The following APOB variants were observed in gnomAD, a reference collection of about 807,000 sequenced individuals.
The protein encoded by APOB is apolipoprotein B.
APOB carries 153 observed loss-of-function variants against 314.1 expected under a neutral mutation model. The ratio of observed to expected loss-of-function variants is 0.49; its 90% CI spans 0.43 to 0.56. APOB has a LOEUF of 0.56. APOB is among the 20% of genes least tolerant of loss of function. APOB has a pLI of 0.00. For synonymous variants in APOB, 2,087 were observed against 2,036.4 expected, an observed-to-expected ratio of 1.02 and a Z score of -0.67; for missense variants, 5,430 against 5,350.7, an observed-to-expected ratio of 1.01 and a Z score of -0.46.
Position 21,025,130 on chromosome 2 carries a change from A to C in APOB, c.2245-6T>G. The stretch of plus-strand genomic sequence containing the variant: ...ATTATTCCATTTACCATATCCTGAG[A>C]GTTTAGTAATAAAATGGCCAGTGAG... On this transcript the variant is annotated splice_polypyrimidine_tract_variant and splice_region_variant and intron_variant, in intron 15 of 28. Coordinates refer to ENST00000233242, the MANE Select transcript of APOB (RefSeq NM_000384.3). 1 of 1,613,512 alleles carries C rather than the reference A, an allele frequency of 6.2e-7. No homozygotes were observed. The highest frequency in any genetic ancestry group is 1.3e-5 in the African/African-American group (1 of 75,046).
At chr2:21,028,154 C>G in intron 13 of APOB, 89 bp from the exon 14 acceptor site, 1 of 1,187,940 alleles carries the variant, frequency 8.4e-7, no homozygotes, top group Non-Finnish European at 1.3e-6. Context: ...TTTCCAATCA[C>G]TACCAAAATG....
chr2:21,007,987 T>G lies in APOB; in HGVS notation c.8881A>C (p.Asn2961His). Residue 2961 changes from asparagine (N) to histidine (H), a missense_variant, in exon 26 of 29, where the codon AAT becomes CAT. By Grantham distance (68) the Asn-to-His change is moderately conservative (BLOSUM62 1). Around this residue, in one of 3 missense-constraint regions of APOB, gnomAD observed 3,281 missense variants for 3,171.0 expected, o/e 1.03. Transcript: ENST00000233242. The stretch of plus-strand genomic sequence containing the variant: ...CTTAGGTGTTTGCTATTGATCTTAT[T>G]GGACAGTCCAAAGGAAGTGAGGGGT... Reference protein sequence around the residue: ...EGPLTSFGLSNKINSKHLRVN... With the variant: ...EGPLTSFGLSHKINSKHLRVN... 1 of 1,614,108 alleles carries G rather than the reference T, an allele frequency of 6.2e-7. No individual in the cohort carries two copies.
chr2:21,001,885 A>G lies in APOB; in HGVS notation c.13537T>C (p.Phe4513Leu). The G allele has an allele frequency of 1.2e-6, 2 of 1,614,010 alleles. No individual in the cohort carries two copies. The highest frequency in any genetic ancestry group is 1.7e-6 in the Non-Finnish European group (2 of 1,179,980). ...ATCAATCTTTTGGATTCAGCAATAA[A>G]TTTTTCATAGTAATCAGAGAGTTGG... is the stretch of plus-strand genomic sequence containing the variant. Reference protein sequence around the residue: ...SDQLSDYYEKFIAESKRLIDL... With the variant: ...SDQLSDYYEKLIAESKRLIDL... Residue 4513 changes from phenylalanine (F) to leucine (L), a missense_variant, in exon 29 of 29, where the codon TTT becomes CTT. Around this residue, in one of 3 missense-constraint regions of APOB, gnomAD observed 3,281 missense variants for 3,171.0 expected, o/e 1.03. Transcript: ENST00000233242.
intron 18 of APOB, among the ~76,000 whole-genome samples, chr2:21,021,549 G>T (rs555166293): frequency 6.6e-6 from 1 of 152,064 alleles, no homozygotes; most frequent in African/African-American, 2.4e-5. Context: ...GATGGCTTTC[G>T]CAGCTGGGCA....
At position 21,032,405 on chromosome 2, in the gene APOB, C is replaced by T. The variant is rs761954691; in HGVS notation, c.1301G>A (p.Arg434Lys). The T allele has an allele frequency of 2.5e-6, 4 of 1,613,906 alleles. No individual in the cohort carries two copies. The highest frequency in any genetic ancestry group is 4.5e-5 in the East Asian group (2 of 44,892). The change falls in exon 10 of 29, where the codon AGG becomes AAG. Residue 434 changes from arginine (R) to lysine (K), a missense_variant. By Grantham distance (26) the Arg-to-Lys change is conservative. This residue lies in a region of APOB where 2,085 missense variants were observed against 2,079.7 expected (regional missense o/e 1.00). Coordinates refer to ENST00000233242, the MANE Select transcript of APOB (RefSeq NM_000384.3). ...QQLREIFNMA[R>K]DQRSRATLYA... Reference sequence around the variant, plus strand: ...CAAGGTGGCTCGGCTGCGCTGATCCCTCGCCATGTTGAAGATCTCTCGCAG... The same window carrying T: ...CAAGGTGGCTCGGCTGCGCTGATCCTTCGCCATGTTGAAGATCTCTCGCAG...
At chr2:21,012,724 T>C (rs1361370263) in intron 25 of APOB, 73 bp from the exon 26 acceptor site, 1 of 1,530,274 alleles carries the variant, frequency 6.5e-7, no homozygotes, top group East Asian at 2.2e-5. Context: ...GTTGAAAGTC[T>C]TTCAATAATA....
chr2:21,036,533 C>A (rs771390190), intron 6 of APOB, among the ~76,000 whole-genome samples: 14 of 152,008 alleles, frequency 9.2e-5, no homozygotes, highest in Non-Finnish European at 1.6e-4. Context: ...GCTCCATGGC[C>A]CCAGTTAACA....
chr2:21,043,720 G>A, intron 1 of APOB, 144 bp downstream of exon 1: 1 of 1,508,062 alleles, frequency 6.6e-7, no homozygotes, highest in Non-Finnish European at 8.9e-7. Context: ...AGCCTGCAGG[G>A]GCCGCCAGCT....
intron 12 of APOB, among the ~76,000 whole-genome samples, chr2:21,029,341 C>T (rs1480175654): frequency 1.3e-5 from 2 of 152,154 alleles, no homozygotes; most frequent in Non-Finnish European, 2.9e-5. Context: ...ATCCCAGTTA[C>T]TCAGGAGGCT....
chr2:21,012,140 C>G lies in APOB; in HGVS notation c.4728G>C (p.Gly1576=). The change falls in exon 26 of 29, where the codon GGG becomes GGC. Residue 1576 remains glycine (G), a synonymous_variant. Coordinates refer to ENST00000233242, the MANE Select transcript of APOB (RefSeq NM_000384.3). Reference sequence around the variant, plus strand: ...TAGAAGTGGCAAAGTTCTTATACTTCCCATTGGTGTCAGATTTTAAAGTCA... The same window carrying G: ...TAGAAGTGGCAAAGTTCTTATACTTGCCATTGGTGTCAGATTTTAAAGTCA... The part of the protein sequence containing the change: ...YELTLKSDTN[G]KYKNFATSNK... The G allele has an allele frequency of 6.2e-7, 1 of 1,602,654 alleles. No individual in the cohort carries two copies. The highest frequency in any genetic ancestry group is 8.5e-7 in the Non-Finnish European group (1 of 1,173,816).
rs1440285245 is a variant in APOB, at chr2:21,003,032, G to T, written c.12390C>A (p.Phe4130Leu). The change falls in exon 29 of 29, where the codon TTC becomes TTA. Residue 4130 changes from phenylalanine (F) to leucine (L), a missense_variant. Physicochemically the swap from Phe to Leu is conservative, Grantham distance 22. Coordinates refer to ENST00000233242, the MANE Select transcript of APOB (RefSeq NM_000384.3). Reference sequence around the variant, plus strand: ...CAGTGGTGCCACTGGCTGCTTTCTGGAACCTCACGTCGATATCATCAATTT... The same window carrying T: ...CAGTGGTGCCACTGGCTGCTTTCTGTAACCTCACGTCGATATCATCAATTT... ...IRQIDDIDVR[F>L]QKAASGTTGT... 1.3e-6 allele frequency: 2 copies of T among 1,567,578 alleles called. No homozygotes were observed. The highest frequency in any genetic ancestry group is 1.7e-6 in the Non-Finnish European group (2 of 1,157,060).
At position 21,007,946 on chromosome 2, in the gene APOB, C is replaced by A; in HGVS notation, c.8922G>T (p.Leu2974Phe). Reference sequence around the variant, plus strand: ...AGTTGAGGGAGCCAGATTCATAAACCAAGTTTTGGTTTACTCTTAGGTGTT... The same window carrying A: ...AGTTGAGGGAGCCAGATTCATAAACAAAGTTTTGGTTTACTCTTAGGTGTT... Reference protein sequence around the residue: ...NSKHLRVNQNLVYESGSLNFS... With the variant: ...NSKHLRVNQNFVYESGSLNFS... Residue 2974 changes from leucine to phenylalanine, a missense_variant, in exon 26 of 29, where the codon TTG (leucine) becomes TTT (phenylalanine). Physicochemically the swap from Leu to Phe is conservative, Grantham distance 22. This residue lies in a region of APOB where 3,281 missense variants were observed against 3,171.0 expected (regional missense o/e 1.03). Transcript: ENST00000233242. The A allele has an allele frequency of 5.6e-6, 9 of 1,613,980 alleles. No individual in the cohort carries two copies. Among genetic ancestry groups the A allele is most frequent in the Non-Finnish European group, 7.6e-6 (9 of 1,179,918 alleles).
rs147543230 is a variant in APOB, at chr2:21,011,428, G to C, written c.5440C>G (p.Leu1814Val). 6.2e-7 allele frequency: 1 copy of C among 1,614,090 alleles called. No homozygotes were observed. The highest frequency in any genetic ancestry group is 1.7e-5 in the Admixed American group (1 of 60,022). Residue 1814 changes from leucine to valine, a missense_variant, in exon 26 of 29, where the codon CTA (leucine) becomes GTA (valine). Around this residue, in one of 3 missense-constraint regions of APOB, gnomAD observed 64 missense variants for 99.9 expected, o/e 0.64. Coordinates refer to ENST00000233242, the MANE Select transcript of APOB (RefSeq NM_000384.3). ...TGCAGCTTCAGGGGTTCTAGCCGTA[G>C]TTTCCCATTGTTGGTGAGATCCAGA... ...NALDLTNNGK[L>V]RLEPLKLHVA...
chr2:21,020,324 G>T (rs575481026), intron 18 of APOB, among the ~76,000 whole-genome samples: 1 of 152,092 alleles, frequency 6.6e-6, no homozygotes, highest in Non-Finnish European at 1.5e-5. Flanking sequence ...CATTAAGCAC[G>T]CTCAAGTCTC....
Position 21,029,932 on chromosome 2 carries a change from G to T in APOB, c.1436C>A (p.Thr479Asn). ...CAAATAGGTGTAATCTTCATCCCCA[G>T]TGCAGTCATCTTGAATCTGTTCCAT... ...YLMEQIQDDCTGDEDYTYLIL... is the reference protein window; with the variant it reads ...YLMEQIQDDCNGDEDYTYLIL... Residue 479 changes from threonine to asparagine, a missense_variant, in exon 11 of 29, where the codon ACT becomes AAT. This residue lies in a region of APOB where 2,085 missense variants were observed against 2,079.7 expected (regional missense o/e 1.00). Coordinates refer to ENST00000233242, the MANE Select transcript of APOB (RefSeq NM_000384.3). 6.2e-7 allele frequency: 1 copy of T among 1,613,938 alleles called. No homozygotes were observed. The highest frequency in any genetic ancestry group is 8.5e-7 in the Non-Finnish European group (1 of 1,179,836).
intron 9 of APOB, 93 bp downstream of exon 9, chr2:21,033,206 A>G (rs747166926): frequency 2.1e-6 from 2 of 937,706 alleles, no homozygotes; most frequent in Non-Finnish European, 3.4e-6. Flanking sequence ...TTGATATCCA[A>G]ATGGTCCCTG....
chr2:21,038,115 TCCCA>T lies in APOB; in HGVS notation c.384-8_384-5del, dbSNP rs1206070366. 3 of 1,613,724 alleles carry T rather than the reference TCCCA, an allele frequency of 1.9e-6. No individual in the cohort carries two copies. The highest frequency in any genetic ancestry group is 2.5e-6 in the Non-Finnish European group (3 of 1,180,030). On this transcript the variant is annotated splice_polypyrimidine_tract_variant and splice_region_variant and intron_variant, in intron 4 of 28. Transcript: ENST00000233242. ...AATGGCCAGCTTGAGCTCATACCTGTCCCAGAGAGAGGATGGTCACGGAAATGTC... is the reference window on the plus strand; with the variant it reads ...AATGGCCAGCTTGAGCTCATACCTGTGAGAGAGGATGGTCACGGAAATGTC...
intron 26 of APOB, 39 bp downstream of exon 26, chr2:21,005,041 A>G: frequency 6.2e-7 from 1 of 1,606,536 alleles, no homozygotes; most frequent in East Asian, 2.2e-5. Context: ...CTCATTGAAA[A>G]TATACAGTAT....
At chr2:21,021,108 A>G (rs1452710567) in intron 18 of APOB, among the ~76,000 whole-genome samples, 2 of 152,192 alleles carry the variant, frequency 1.3e-5, no homozygotes, top group Non-Finnish European at 2.9e-5. Flanking sequence ...TAGATTTCTA[A>G]ACTGGTTGTT....
Sources: gnomAD v4.1 joint callset for allele counts (sites outside exome capture counted in the v4.1 genomes callset) on GRCh38, gnomAD v4.1.1 for gene constraint, gnomAD v4.1.1 regional missense constraint, MANE v1.5 for transcripts, NCBI Gene and HGNC (gene_info 2026-07-23, HGNC 2026-07-21) for gene names.